WNT10B: variants seen among roughly 807,000 people sequenced by gnomAD.
WNT10B encodes the protein Wnt family member 10B, also known as protein Wnt-10b.
A neutral mutation model predicts 32.7 loss-of-function variants in WNT10B; 26 were observed. The ratio of observed to expected loss-of-function variants is 0.79; its 90% CI spans 0.58 to 1.10. The LOEUF is 1.10. Ranked by LOEUF, WNT10B falls within the 50% of genes least tolerant of loss-of-function variation. The pLI, the probability that WNT10B is intolerant of heterozygous loss-of-function variation, is 0.00. For missense variants in WNT10B, 474 were observed against 532.5 expected, an observed-to-expected ratio of 0.89 and a Z score of 1.08; for synonymous variants, 204 against 220.4, an observed-to-expected ratio of 0.93 and a Z score of 0.66.
rs533833444 is a variant in WNT10B at position 48,966,110 on chromosome 12, C to G, written c.1155G>C (p.Val385=). The G allele has an allele frequency of 1.2e-6, 2 of 1,613,770 alleles. No individual in the cohort carries two copies. The highest frequency in any genetic ancestry group is 1.7e-6 in the Non-Finnish European group (2 of 1,180,030). ...AGGCTGACCCTCACTTACACACATTCACCCACTCTGTAACCTTGCACTCAT... is the reference window on the plus strand; with the variant it reads ...AGGCTGACCCTCACTTACACACATTGACCCACTCTGTAACCTTGCACTCAT... The part of the protein sequence containing the change: ...LCDECKVTEW[V]NVCK The change falls in exon 5 of 5, where the codon GTG becomes GTC. Residue 385 remains valine, a synonymous_variant. Transcript: ENST00000301061.
intron 3 of WNT10B, 39 bp from the exon 4 acceptor site, chr12:48,968,358 A>C: frequency 6.3e-7 from 1 of 1,599,768 alleles, no homozygotes; most frequent in South Asian, 1.1e-5. Context: ...GGTAAGGTTG[A>C]CAGGCAGCTG....
rs913946302 is a variant in WNT10B at position 48,965,780 on chromosome 12, A to C, written c.*315T>G. 7.9e-6 allele frequency: 3 copies of C among 380,322 alleles called. No individual in the cohort carries two copies. Among genetic ancestry groups the C allele is most frequent in the Non-Finnish European group, 1.5e-5 (3 of 203,346 alleles). 23.6% of individuals were successfully genotyped at this position (380,322 alleles called of 1,614,324 possible). On this transcript the variant is annotated 3_prime_UTR_variant, in exon 5 of 5. Coordinates refer to ENST00000301061, the MANE Select transcript of WNT10B (RefSeq NM_003394.4). The stretch of plus-strand genomic sequence containing the variant: ...CTATAGGGACTCCCCAGCCAAAAGG[A>C]GTATGAATCAGGGTTAAAGGGGCTC...
At chr12:48,969,910 C>T (rs971388992) in intron 3 of WNT10B, among the ~76,000 whole-genome samples, 179 bp downstream of exon 3, 1 of 151,516 alleles carries the variant, frequency 6.6e-6, no homozygotes, top group African/African-American at 2.4e-5. Flanking sequence ...GGAAGTTAGG[C>T]GCGCAGGGGC....
Position 48,970,717 on chromosome 12 carries a change from CT to C in WNT10B, c.-40-149del. The C allele has an allele frequency of 1.6e-6, 1 of 639,440 alleles. No homozygotes were observed. The highest frequency in any genetic ancestry group is 2.7e-5 in the East Asian group (1 of 36,624). The allele number at this position is 639,440 out of a possible 1,614,324, so 39.6% of individuals were successfully genotyped here. A position where few individuals can be genotyped will look rare whatever the true frequency, so the allele number is the denominator to read the frequency against. ...TCAAACAAAACAAGAAGAAACACCC[CT>C]TGATTCCCAGAGTCCCTGAGGCTTG... is the stretch of plus-strand genomic sequence containing the variant. On this transcript the variant is annotated intron_variant, in intron 1 of 4. Coordinates refer to ENST00000301061, the MANE Select transcript of WNT10B (RefSeq NM_003394.4). The surrounding 1 kb of genome is among the most constrained non-coding windows in gnomAD (Gnocchi z 5.0).
Position 48,966,467 on chromosome 12 carries a change from T to C in WNT10B, c.798A>G (p.Pro266=), listed in dbSNP as rs201436766. The stretch of plus-strand genomic sequence containing the variant: ...ACGCCGCCCCCACTGCCCGGAACTC[T>C]GGGGCCGCCCTCCAGCATGTCTTGA... The part of the protein sequence containing the change: ...CQFKTCWRAA[P]EFRAVGAALR... Residue 266 remains proline (P), a synonymous_variant, in exon 5 of 5, where the codon CCA becomes CCG. Transcript: ENST00000301061. 6.4e-5 allele frequency: 103 copies of C among 1,614,028 alleles called. No individual in the cohort carries two copies. Among genetic ancestry groups the C allele is most frequent in the Non-Finnish European group, 8.6e-5 (101 of 1,180,018 alleles).
In WNT10B at chr12:48,965,867, AG is replaced by A. The variant is rs1329805538; in HGVS notation, c.*227del. The A allele has an allele frequency of 2.4e-5, 14 of 589,894 alleles. No homozygotes were observed. Among genetic ancestry groups the A allele is most frequent in the Non-Finnish European group, 3.9e-5 (13 of 331,256 alleles). 36.5% of individuals were successfully genotyped at this position (589,894 alleles called of 1,614,324 possible). The stretch of plus-strand genomic sequence containing the variant: ...TCATCTTAGTCCATTCAGGTGTCTA[AG>A]GAGCAGAAGAGGGGTGGCAGCTTCC... On this transcript the variant is annotated 3_prime_UTR_variant, in exon 5 of 5. Transcript: ENST00000301061.
Position 48,970,182 on chromosome 12 carries a change from C to G in WNT10B, c.244G>C (p.Glu82Gln). 2 of 1,568,828 alleles carry G rather than the reference C, an allele frequency of 1.3e-6. No individual in the cohort carries two copies. The highest frequency in any genetic ancestry group is 1.7e-6 in the Non-Finnish European group (2 of 1,158,596). Residue 82 changes from glutamate to glutamine, a missense_variant, in exon 3 of 5, where the codon GAG (glutamate) becomes CAG (glutamine). By Grantham distance (29) the Glu-to-Gln change is conservative. Transcript: ENST00000301061. The surrounding 1 kb of genome is among the most constrained non-coding windows in gnomAD (Gnocchi z 5.0). ...ALQGLHIAVH[E>Q]CQHQLRDQRW... Reference sequence around the variant, plus strand: ...TGGTCGCGCAGCTGGTGCTGACACTCGTGGACCGCGATGTGCAGACCCTGA... The same window carrying G: ...TGGTCGCGCAGCTGGTGCTGACACTGGTGGACCGCGATGTGCAGACCCTGA...
In WNT10B at chr12:48,968,093, A is replaced by C; in HGVS notation, c.564T>G (p.Pro188=). The stretch of plus-strand genomic sequence containing the variant: ...CCCATTCCCATGTGTCCTGGGGGCC[A>C]GGGCTGGGGCTTGAGCCAGGGCCAG... ...PSPGPGSSPS[P]GPQDTWEWGG... The change falls in exon 4 of 5, where the codon CCT becomes CCG. Residue 188 remains proline, a synonymous_variant. Coordinates refer to ENST00000301061, the MANE Select transcript of WNT10B (RefSeq NM_003394.4). The C allele has an allele frequency of 6.2e-7, 1 of 1,614,212 alleles. No homozygotes were observed. Among genetic ancestry groups the C allele is most frequent in the East Asian group, 2.2e-5 (1 of 44,888 alleles).
chr12:48,971,325 C>T (rs1305669553), intron 1 of WNT10B, 130 bp downstream of exon 1: 1 of 152,610 alleles, frequency 6.6e-6, no homozygotes, highest in Non-Finnish European at 1.5e-5. Context: ...CTAGCAATAT[C>T]TCTGGCTCTC....
At position 48,970,089 on chromosome 12, in the gene WNT10B, C is replaced by A. The variant is rs1023452870; in HGVS notation, c.337G>T (p.Gly113Cys). ...CGCCGACCCGCCCAGCCAGGCTCACCGCGCTTGAGGATGGCGCTGTGGTGC... is the reference window on the plus strand; with the variant it reads ...CGCCGACCCGCCCAGCCAGGCTCACAGCGCTTGAGGATGGCGCTGTGGTGC... Reference protein sequence around the residue: ...LPHHSAILKRGFRESAFSFSM... With the variant: ...LPHHSAILKRCFRESAFSFSM... The change falls in exon 3 of 5, where the codon GGT becomes TGT. Residue 113 changes from glycine to cysteine, a missense_variant and splice_region_variant. Physicochemically the swap from Gly to Cys is radical, Grantham distance 159. Coordinates refer to ENST00000301061, the MANE Select transcript of WNT10B (RefSeq NM_003394.4). This position sits in a 1 kb window ranked among gnomAD's most constrained non-coding sequence, Gnocchi z 5.0. 6.6e-7 allele frequency: 1 copy of A among 1,517,706 alleles called. No individual in the cohort carries two copies. Among genetic ancestry groups the A allele is most frequent in the Non-Finnish European group, 8.8e-7 (1 of 1,133,940 alleles). 94.0% of individuals were successfully genotyped at this position (1,517,706 alleles called of 1,614,324 possible). A position where few individuals can be genotyped will look rare whatever the true frequency, so the allele number is the denominator to read the frequency against.
At chr12:48,969,715 G>T (rs1189443145) in intron 3 of WNT10B, among the ~76,000 whole-genome samples, 2 of 151,882 alleles carry the variant, frequency 1.3e-5, no homozygotes, top group African/African-American at 4.8e-5. Context: ...CACCAGCCTG[G>T]GCTTGTCCAG....
chr12:48,969,807 G>T (rs991947785), intron 3 of WNT10B, among the ~76,000 whole-genome samples: 3 of 152,054 alleles, frequency 2.0e-5, no homozygotes, highest in Non-Finnish European at 4.4e-5. Flanking sequence ...CTTGTTCACA[G>T]GTGCAACCCA....
Position 48,970,115 on chromosome 12 carries a change from G to C in WNT10B, c.311C>G (p.Pro104Arg), listed in dbSNP as rs1940821393. Residue 104 changes from proline (P) to arginine (R), a missense_variant, in exon 3 of 5, where the codon CCG becomes CGG. By Grantham distance (103) the Pro-to-Arg change is moderately radical. Transcript: ENST00000301061. This position sits in a 1 kb window ranked among gnomAD's most constrained non-coding sequence, Gnocchi z 5.0. ...CSALEGGGRL[P>R]HHSAILKRGF... is the part of the protein sequence containing the mutation. Reference sequence around the variant, plus strand: ...GCGCTTGAGGATGGCGCTGTGGTGCGGCAGGCGGCCGCCGCCCTCAAGCGC... The same window carrying C: ...GCGCTTGAGGATGGCGCTGTGGTGCCGCAGGCGGCCGCCGCCCTCAAGCGC... 15 of 1,527,548 alleles carry C rather than the reference G, an allele frequency of 9.8e-6. No individual in the cohort carries two copies. The highest frequency in any genetic ancestry group is 1.3e-5 in the Non-Finnish European group (15 of 1,140,986). The allele number at this position is 1,527,548 out of a possible 1,614,324, so 94.6% of individuals were successfully genotyped here. A position where few individuals can be genotyped will look rare whatever the true frequency, so the allele number is the denominator to read the frequency against.
chr12:48,967,883 C>G, intron 4 of WNT10B, 63 bp downstream of exon 4: 5 of 1,595,184 alleles, frequency 3.1e-6, no homozygotes, highest in South Asian at 1.1e-5. Context: ...TTTCCCTATG[C>G]CTCTCAAACT....
In WNT10B at chr12:48,970,118, A is replaced by AGGC; in HGVS notation, c.305_307dup (p.Arg102dup). On this transcript the variant is annotated inframe_insertion, in exon 3 of 5. Coordinates refer to ENST00000301061, the MANE Select transcript of WNT10B (RefSeq NM_003394.4). The surrounding 1 kb of genome is among the most constrained non-coding windows in gnomAD (Gnocchi z 5.0). ...CTTGAGGATGGCGCTGTGGTGCGGC[A>AGGC]GGCGGCCGCCGCCCTCAAGCGCGGA... 1.3e-6 allele frequency: 2 copies of AGGC among 1,528,548 alleles called. No homozygotes were observed. The highest frequency in any genetic ancestry group is 2.4e-5 in the South Asian group (2 of 83,704). The allele number at this position is 1,528,548 out of a possible 1,614,324, so 94.7% of individuals were successfully genotyped here.
rs1940830418 is a variant in WNT10B at position 48,970,350 on chromosome 12, C to A, written c.76G>T (p.Ala26Ser). 1.9e-6 allele frequency: 3 copies of A among 1,613,980 alleles called. No homozygotes were observed. Among genetic ancestry groups the A allele is most frequent in the Non-Finnish European group, 8.5e-7 (1 of 1,179,976 alleles). The part of the protein sequence containing the change: ...GLLFLALCSR[A>S]LSNEILGLKL... ...AGGCCCAGAATCTCATTGCTTAGAG[C>A]CCTGGGAACCAAGAAGGCGTCTGGG... The change falls in exon 3 of 5, where the codon GCT (alanine) becomes TCT (serine). Residue 26 changes from alanine to serine, a missense_variant and splice_region_variant. By Grantham distance (99) the Ala-to-Ser change is moderately conservative (BLOSUM62 1). Transcript: ENST00000301061. The surrounding 1 kb of genome is among the most constrained non-coding windows in gnomAD (Gnocchi z 5.0).
Position 48,970,069 on chromosome 12 carries a change from AC to A in WNT10B, c.337+19del. 1 of 1,494,280 alleles carries A rather than the reference AC, an allele frequency of 6.7e-7. No individual in the cohort carries two copies. The highest frequency in any genetic ancestry group is 1.3e-5 in the South Asian group (1 of 79,500). 92.6% of individuals were successfully genotyped at this position (1,494,280 alleles called of 1,614,324 possible). A position where few individuals can be genotyped will look rare whatever the true frequency, so the allele number is the denominator to read the frequency against. ...CCCCCTAGCCTCCGCGGCAGCGCCG[AC>A]CCGCCCAGCCAGGCTCACCGCGCTT... is the stretch of plus-strand genomic sequence containing the variant. On this transcript the variant is annotated intron_variant, in intron 3 of 4. Coordinates refer to ENST00000301061, the MANE Select transcript of WNT10B (RefSeq NM_003394.4). This position sits in a 1 kb window ranked among gnomAD's most constrained non-coding sequence, Gnocchi z 5.0.
At position 48,966,279 on chromosome 12, in the gene WNT10B, G is replaced by A. The variant is rs1484247119; in HGVS notation, c.986C>T (p.Thr329Ile). 1.2e-6 allele frequency: 2 copies of A among 1,614,082 alleles called. No homozygotes were observed. Among genetic ancestry groups the A allele is most frequent in the African/African-American group, 1.3e-5 (1 of 74,932 alleles). Residue 329 changes from threonine (T) to isoleucine (I), a missense_variant, in exon 5 of 5, where the codon ACA (threonine) becomes ATA (isoleucine). Coordinates refer to ENST00000301061, the MANE Select transcript of WNT10B (RefSeq NM_003394.4). ...ERDPTMGSPG[T>I]RGRACNKTSR... ...GGTCTTGTTGCAGGCCCGGCCCCTTGTCCCTGGGGAGCCCATAGTGGGGTC... is the reference window on the plus strand; with the variant it reads ...GGTCTTGTTGCAGGCCCGGCCCCTTATCCCTGGGGAGCCCATAGTGGGGTC...
chr12:48,969,967 G>A, intron 3 of WNT10B, 122 bp downstream of exon 3: 1 of 1,215,464 alleles, frequency 8.2e-7, no homozygotes, highest in East Asian at 3.0e-5. Flanking sequence ...GGGGGGGGCG[G>A]GGAATTCCAG....
Sources: gnomAD v4.1 joint callset for allele counts (sites outside exome capture counted in the v4.1 genomes callset) on GRCh38, gnomAD v4.1.1 for gene constraint, Gnocchi (gnomAD v3.1) non-coding constraint, MANE v1.5 for transcripts, NCBI Gene and HGNC (gene_info 2026-07-23, HGNC 2026-07-21) for gene names.